The following RIT2 variants were observed in gnomAD, a reference collection of about 807,000 sequenced individuals.
RIT2 encodes the protein GTP-binding protein Rit2.
A neutral mutation model predicts 23.7 loss-of-function variants in RIT2; 24 were observed. The ratio of observed to expected loss-of-function variants is 1.01; its 90% CI spans 0.73 to 1.43. The LOEUF (loss-of-function observed/expected upper bound fraction) is 1.43, where lower values mean the gene tolerates loss of function less well. Ranked by LOEUF, RIT2 falls within the 40% of genes most tolerant of loss-of-function variation. The pLI, the probability that RIT2 is intolerant of heterozygous loss-of-function variation, is 0.00. For synonymous variants in RIT2, 107 were observed against 91.1 expected, an observed-to-expected ratio of 1.17 and a Z score of -0.99; for missense variants, 236 against 266.9, an observed-to-expected ratio of 0.88 and a Z score of 0.81.
chr18:43,038,040 T>A (rs1180034073), intron 1 of RIT2, among the ~76,000 whole-genome samples: 3 of 151,422 alleles, frequency 2.0e-5, no homozygotes, highest in African/African-American at 7.3e-5. Flanking sequence ...CCATCTTTAC[T>A]AAAAATAAAA....
At chr18:43,023,705 A>T (rs965449384) in intron 2 of RIT2, among the ~76,000 whole-genome samples, 1 of 151,984 alleles carries the variant, frequency 6.6e-6, no homozygotes, top group Non-Finnish European at 1.5e-5. Flanking sequence ...TTTTTGGGAG[A>T]CTCCAATGAC....
chr18:42,855,541 T>C (rs1359162956), intron 4 of RIT2, among the ~76,000 whole-genome samples: 2 of 152,226 alleles, frequency 1.3e-5, no homozygotes, highest in Non-Finnish European at 2.9e-5. Context: ...TCTATTCACT[T>C]GACCCAACCT....
At chr18:42,915,805 TTA>T (rs1281876570) in intron 4 of RIT2, among the ~76,000 whole-genome samples, 1 of 151,984 alleles carries the variant, frequency 6.6e-6, no homozygotes, top group African/African-American at 2.4e-5. Flanking sequence ...AATATAAACA[TTA>T]TGTTTAAAAT....
At chr18:42,906,022 GTATATATATATATACATATATATA>G (rs1908610968) in intron 4 of RIT2, among the ~76,000 whole-genome samples, 1 of 10,040 alleles carries the variant, frequency 1.0e-4, no homozygotes, top group Admixed American at 1.2e-3. Context: ...ATATATATAT[GTATATATATATATACATATATATA>G]TCTGCTTATA....
chr18:42,874,479 T>C (rs546646919), intron 4 of RIT2, among the ~76,000 whole-genome samples: 1 of 152,262 alleles, frequency 6.6e-6, no homozygotes, highest in South Asian at 2.1e-4. Flanking sequence ...TAGAAGAAAC[T>C]GTTTACATTT....
Position 42,845,047 on chromosome 18 carries a change from C to T in RIT2, c.426+78525G>A, listed in dbSNP as rs148499512. Among the ~76,000 whole-genome samples the T allele has an allele frequency of 1.4e-3, 210 of 151,964 alleles. 1 individual carries two copies. Among genetic ancestry groups the T allele is most frequent in the Middle Eastern group, 0.01 (3 of 294 alleles). ...AATCTAAGAATGAGGGCAAATGATGCGTTCAATTTTGAATGCCTTAGAATA... is the reference window on the plus strand; with the variant it reads ...AATCTAAGAATGAGGGCAAATGATGTGTTCAATTTTGAATGCCTTAGAATA... On this transcript the variant is annotated intron_variant, in intron 4 of 4. Transcript: ENST00000326695.
At chr18:42,798,396 C>G (rs974068836) in intron 4 of RIT2, among the ~76,000 whole-genome samples, 16 of 152,200 alleles carry the variant, frequency 1.1e-4, no homozygotes, top group African/African-American at 3.9e-4. Flanking sequence ...AAGCAACAGT[C>G]TCTCTTTGTT....
At chr18:42,778,977 C>T (rs1368249912) in intron 4 of RIT2, among the ~76,000 whole-genome samples, 1 of 152,104 alleles carries the variant, frequency 6.6e-6, no homozygotes, top group Non-Finnish European at 1.5e-5. Flanking sequence ...TTTTCGATTT[C>T]CCTAGTAACC....
intron 4 of RIT2, among the ~76,000 whole-genome samples, chr18:42,903,640 C>T (rs371998470): frequency 6.6e-6 from 1 of 152,022 alleles, no homozygotes; most frequent in Admixed American, 6.6e-5. Context: ...GCTACCACTA[C>T]CCAATCCATC....
intron 4 of RIT2, among the ~76,000 whole-genome samples, chr18:42,799,295 G>T (rs962010684): frequency 3.3e-5 from 5 of 152,136 alleles, no homozygotes; most frequent in Non-Finnish European, 1.5e-5. Context: ...AAATTTCTTG[G>T]AATGGGCTTT....
intron 3 of RIT2, among the ~76,000 whole-genome samples, chr18:42,935,668 G>A (rs1909436730): frequency 6.6e-6 from 1 of 152,120 alleles, no homozygotes; most frequent in Non-Finnish European, 1.5e-5. Flanking sequence ...CCTAGGAGGT[G>A]AGATGTCCAG....
intron 3 of RIT2, among the ~76,000 whole-genome samples, chr18:42,957,947 C>T (rs1177525253): frequency 6.6e-6 from 1 of 152,116 alleles, no homozygotes; most frequent in Non-Finnish European, 1.5e-5. Context: ...TGCAATCTTG[C>T]TGCCAGGATT....
chr18:42,779,328 CT>C (rs1913751369), intron 4 of RIT2, among the ~76,000 whole-genome samples: 1 of 152,156 alleles, frequency 6.6e-6, no homozygotes. Flanking sequence ...GATAGAGCCC[CT>C]GTCTCCCTTC....
At position 42,923,783 on chromosome 18, in the gene RIT2, AAAT is replaced by A; in HGVS notation, c.235-23_235-21del. 1 of 1,576,506 alleles carries A rather than the reference AAAT, an allele frequency of 6.3e-7. No individual in the cohort carries two copies. The highest frequency in any genetic ancestry group is 1.2e-5 in the South Asian group (1 of 84,838). On this transcript the variant is annotated intron_variant, in intron 3 of 4. Transcript: ENST00000326695. ...TTCTGCCTGCAGGAAAAAAAAAAAA[AAAT>A]TAGTTATGGGCTTTCAATATAGCTA...
intron 3 of RIT2, among the ~76,000 whole-genome samples, chr18:42,934,504 T>C (rs1909405090): frequency 1.3e-5 from 2 of 152,162 alleles, no homozygotes; most frequent in South Asian, 4.1e-4. Context: ...TCAAGGCTGG[T>C]TTCTATTATG....
At chr18:43,042,142 G>A (rs1382805556) in intron 1 of RIT2, among the ~76,000 whole-genome samples, 1 of 152,114 alleles carries the variant, frequency 6.6e-6, no homozygotes, top group East Asian at 1.9e-4. Context: ...AAATGAGATT[G>A]GGAGACAGGT....
chr18:42,944,666 C>A (rs577313229), intron 3 of RIT2, among the ~76,000 whole-genome samples: 4 of 152,120 alleles, frequency 2.6e-5, no homozygotes, highest in African/African-American at 9.6e-5. Context: ...TTAAAAAATT[C>A]CATTGTTGTT....
At chr18:42,924,248 T>C (rs1388011246) in intron 3 of RIT2, among the ~76,000 whole-genome samples, 2 of 152,134 alleles carry the variant, frequency 1.3e-5, no homozygotes, top group Admixed American at 1.3e-4. Context: ...GGAACAAATT[T>C]TTCTACTCAA....
intron 1 of RIT2, among the ~76,000 whole-genome samples, chr18:43,039,135 G>C (rs143580059): frequency 6.6e-6 from 1 of 152,148 alleles, no homozygotes; most frequent in African/African-American, 2.4e-5. Context: ...CATTATCACT[G>C]CTGTGAAACA....
Sources: allele counts gnomAD v4.1 joint callset (sites outside exome capture counted in the v4.1 genomes callset), GRCh38; gene constraint gnomAD v4.1.1; transcripts MANE v1.5; gene names NCBI Gene and HGNC (gene_info 2026-07-23, HGNC 2026-07-21).